MLLT10: variants seen among roughly 807,000 people sequenced by gnomAD.
The protein encoded by MLLT10 is MLLT10 histone lysine methyltransferase DOT1L cofactor.
Under a neutral mutation model 129.1 loss-of-function variants are expected in MLLT10, and 30 were observed. The ratio of observed to expected loss-of-function variants is 0.23; its 90% CI spans 0.17 to 0.32. MLLT10 has a LOEUF of 0.32. Among genes scored for constraint, MLLT10 ranks in the 10% least tolerant of loss-of-function variants. The pLI, the probability that MLLT10 is intolerant of heterozygous loss-of-function variation, is 1.00. For synonymous variants in MLLT10, 490 were observed against 446.4 expected (o/e 1.10, Z -1.23); for missense variants, 1,119 against 1,268.3 (o/e 0.88, Z 1.79).
intron 5 of MLLT10, among the ~76,000 whole-genome samples, chr10:21,610,644 TATC>T (rs2044517801): frequency 6.6e-6 from 1 of 151,550 alleles, no homozygotes; most frequent in Non-Finnish European, 1.5e-5. Context: ...AAATAAAAAT[TATC>T]ATATTTTTAA....
intron 3 of MLLT10, among the ~76,000 whole-genome samples, chr10:21,560,477 T>G (rs1260653575): frequency 6.6e-6 from 1 of 152,158 alleles, no homozygotes; most frequent in Non-Finnish European, 1.5e-5. Context: ...GTTCTGTCAT[T>G]CAGCATTGAA....
chr10:21,568,852 T>C (rs1240227692), intron 3 of MLLT10, among the ~76,000 whole-genome samples: 2 of 152,180 alleles, frequency 1.3e-5, no homozygotes, highest in African/African-American at 4.8e-5. Context: ...GTCAGGCTGG[T>C]CTTGAACTCC....
rs149145994 is a variant in MLLT10, at chr10:21,539,018, T to C, written c.240+106T>C. 900 of 723,836 alleles carry C rather than the reference T, an allele frequency of 1.2e-3. 2 individuals are homozygous for C. The highest frequency in any genetic ancestry group is 1.8e-3 in the Non-Finnish European group (782 of 433,614). The allele number at this position is 723,836 out of a possible 1,614,324, so 44.8% of individuals were successfully genotyped here. On this transcript the variant is annotated intron_variant, in intron 3 of 22. Transcript: ENST00000307729. The stretch of plus-strand genomic sequence containing the variant: ...GGGTTGTCAGTCATTTCTTCAAATA[T>C]CATAATGTAAGAGATAATTTAGGCC...
intron 2 of MLLT10, among the ~76,000 whole-genome samples, chr10:21,537,747 G>T (rs564162222): frequency 6.6e-6 from 1 of 152,290 alleles, no homozygotes; most frequent in Admixed American, 6.5e-5. Flanking sequence ...GGGATTACAG[G>T]CATGAGCCAC....
chr10:21,681,524 A>G, intron 12 of MLLT10, 148 bp downstream of exon 12: 1 of 594,034 alleles, frequency 1.7e-6, no homozygotes, highest in Non-Finnish European at 2.9e-6. Flanking sequence ...TCCTGCAAAG[A>G]TAATGTACTG....
At chr10:21,728,990 C>G (rs2057739395) in intron 16 of MLLT10, among the ~76,000 whole-genome samples, 1 of 150,304 alleles carries the variant, frequency 6.7e-6, no homozygotes, top group African/African-American at 2.5e-5. Flanking sequence ...AAGATTAGTT[C>G]AGTAACCACT....
intron 5 of MLLT10, among the ~76,000 whole-genome samples, chr10:21,600,918 T>C (rs1054219598): frequency 6.6e-6 from 1 of 152,122 alleles, no homozygotes; most frequent in African/African-American, 2.4e-5. Context: ...ATTATATTTG[T>C]TTCTTGTGGT....
intron 17 of MLLT10, among the ~76,000 whole-genome samples, chr10:21,731,507 G>A (rs1353627280): frequency 1.3e-5 from 2 of 151,928 alleles, no homozygotes; most frequent in African/African-American, 4.8e-5. Flanking sequence ...AAATACATGA[G>A]CACTGTCTTC....
At chr10:21,701,049 C>T (rs972210438) in intron 13 of MLLT10, among the ~76,000 whole-genome samples, 2 of 152,100 alleles carry the variant, frequency 1.3e-5, no homozygotes, top group African/African-American at 4.8e-5. Context: ...CTTCCTGATT[C>T]AGTCTGGGTA....
At chr10:21,622,710 G>A (rs1394946922) in intron 8 of MLLT10, among the ~76,000 whole-genome samples, 4 of 152,176 alleles carry the variant, frequency 2.6e-5, no homozygotes, top group African/African-American at 9.7e-5. Flanking sequence ...GGCAACAAAC[G>A]TGTGGGTTAT....
rs190518655 is a variant in MLLT10 at position 21,697,522 on chromosome 10, T to G, written c.1699+15265T>G. Among the ~76,000 whole-genome samples the G allele has an allele frequency of 1.2e-4, 18 of 152,292 alleles. No homozygotes were observed. The East Asian group carries it at 2.7e-3, about 23-fold the overall frequency. On this transcript the variant is annotated intron_variant, in intron 13 of 22. Coordinates refer to ENST00000307729, the MANE Select transcript of MLLT10 (RefSeq NM_001195626.3). Reference sequence around the variant, plus strand: ...ATTTTTTCCTACTTTCGCATGTATTTCAAATTTTAAAAATGATTGTGTTCA... The same window carrying G: ...ATTTTTTCCTACTTTCGCATGTATTGCAAATTTTAAAAATGATTGTGTTCA...
chr10:21,549,364 C>G (rs902397877), intron 3 of MLLT10, among the ~76,000 whole-genome samples: 10 of 152,106 alleles, frequency 6.6e-5, no homozygotes, highest in African/African-American at 2.4e-4. Context: ...CCCGCCTTGG[C>G]CTCCCAAAGT....
At chr10:21,625,386 A>G (rs1208495580) in intron 8 of MLLT10, 12 of 796,526 alleles carry the variant, frequency 1.5e-5, no homozygotes, top group Non-Finnish European at 2.4e-5. Context: ...AATTCAGAAA[A>G]TGACTTTTCC....
In MLLT10 at chr10:21,673,363, A is replaced by G. The variant is rs763889687; in HGVS notation, c.1065A>G (p.Gly355=). Residue 355 remains glycine (G), a synonymous_variant, in exon 11 of 23, where the codon GGA becomes GGG. Transcript: ENST00000307729. ...ASPFPQGSFS[G]TPGSVKSSSG... ...TTTAAACTACAGGCAGTTTTTCAGG[A>G]ACTCCAGGCAGTGTAAAGTCATCTT... 1.0e-5 allele frequency: 13 copies of G among 1,272,638 alleles called. No homozygotes were observed. Among genetic ancestry groups the G allele is most frequent in the Non-Finnish European group, 1.1e-5 (11 of 1,005,002 alleles). The allele number at this position is 1,272,638 out of a possible 1,614,324, so 78.8% of individuals were successfully genotyped here.
intron 13 of MLLT10, 126 bp from the exon 14 acceptor site, chr10:21,713,646 A>T: frequency 1.3e-6 from 1 of 781,014 alleles, no homozygotes; most frequent in Non-Finnish European, 1.9e-6. Flanking sequence ...AATATTTTTT[A>T]AACAGCAACA....
chr10:21,557,024 C>G, intron 3 of MLLT10: 1 of 1,459,022 alleles, frequency 6.9e-7, no homozygotes, highest in Non-Finnish European at 9.0e-7. Context: ...AAGTACTAGT[C>G]TTCAGTCTAT....
rs1425857772 is a variant in MLLT10, at chr10:21,700,082, C to A, written c.1700-13690C>A. 2.1e-5 allele frequency among the ~76,000 whole-genome samples: 3 copies of A among 145,842 alleles called. No homozygotes were observed. The East Asian group carries it at 5.9e-4, about 28-fold the overall frequency. ...GTTTTGTAATTTTTCTTGTAGAGATCTTTCACCTACTCGGTTAAATGTATT... is the reference window on the plus strand; with the variant it reads ...GTTTTGTAATTTTTCTTGTAGAGATATTTCACCTACTCGGTTAAATGTATT... On this transcript the variant is annotated intron_variant, in intron 13 of 22. Coordinates refer to ENST00000307729, the MANE Select transcript of MLLT10 (RefSeq NM_001195626.3).
intron 21 of MLLT10, among the ~76,000 whole-genome samples, chr10:21,738,096 C>T (rs767697969): frequency 2.3e-4 from 35 of 151,854 alleles, no homozygotes; most frequent in Non-Finnish European, 3.2e-4. Flanking sequence ...GGTGAAACCC[C>T]GTCTCTACTA....
intron 8 of MLLT10, among the ~76,000 whole-genome samples, chr10:21,630,990 G>T (rs1480668466): frequency 6.6e-6 from 1 of 152,142 alleles, no homozygotes; most frequent in African/African-American, 2.4e-5. Flanking sequence ...GTCTTACCAA[G>T]ATCACATGTA....
Sources: allele counts gnomAD v4.1 joint callset (sites outside exome capture counted in the v4.1 genomes callset), GRCh38; gene constraint gnomAD v4.1.1; transcripts MANE v1.5; gene names NCBI Gene and HGNC (gene_info 2026-07-23, HGNC 2026-07-21).